CSMD1: variants seen among roughly 807,000 people sequenced by gnomAD.
CSMD1 encodes CUB and sushi domain-containing protein 1.
Under a neutral mutation model 417.5 loss-of-function variants are expected in CSMD1, and 213 were observed. That is an observed-to-expected ratio of 0.51 (90% confidence interval 0.46 to 0.57). CSMD1 has a LOEUF of 0.57. Among genes scored for constraint, CSMD1 ranks in the 20% least tolerant of loss-of-function variants. The pLI is 0.00. For missense variants in CSMD1, 6,923 were observed against 4,529.7 expected (o/e 1.53, Z -15.17); for synonymous variants, 2,862 against 1,736.8 (o/e 1.65, Z -16.11).
chr8:3,934,935 G>A (rs776400703), intron 5 of CSMD1, among the ~76,000 whole-genome samples: 12 of 152,066 alleles, frequency 7.9e-5, no homozygotes, highest in Non-Finnish European at 1.5e-4. Flanking sequence ...GGAGTAGAGG[G>A]CATATAAAAG....
rs142705258 is a variant in CSMD1 at position 4,513,143 on chromosome 8, T to C, written c.303-93078A>G. Among the ~76,000 whole-genome samples, 152 of 152,320 alleles carry C rather than the reference T, an allele frequency of 1.0e-3. 3 individuals are homozygous for C. The East Asian group carries it at 0.026, about 26-fold the overall frequency. On this transcript the variant is annotated intron_variant, in intron 2 of 69. Coordinates refer to ENST00000635120, the MANE Select transcript of CSMD1 (RefSeq NM_033225.6). ...CAAGAGTGCGCTCCAATGTAAACTA[T>C]GGGCTTTGGTTAATCGAAATATGTC...
chr8:3,026,490 C>A (rs1809938464), intron 51 of CSMD1, among the ~76,000 whole-genome samples: 1 of 151,712 alleles, frequency 6.6e-6, no homozygotes, highest in African/African-American at 2.4e-5. Context: ...CTGGGCTTGA[C>A]TGGGCCTCAC....
rs1816916284 is a variant in CSMD1 at position 3,468,619 on chromosome 8, G to C, written c.1561+93C>G. 3 of 699,976 alleles carry C rather than the reference G, an allele frequency of 4.3e-6. No individual in the cohort carries two copies. The South Asian group carries it at 5.6e-5, about 13-fold the overall frequency. The allele number at this position is 699,976 out of a possible 1,614,324, so 43.4% of individuals were successfully genotyped here. On this transcript the variant is annotated intron_variant, in intron 12 of 69. Coordinates refer to ENST00000635120, the MANE Select transcript of CSMD1 (RefSeq NM_033225.6). ...CCTATTTATCAGCATTGTTTGACTT[G>C]TTGATTTTACTTCTACCTAACCAAC...
intron 5 of CSMD1, among the ~76,000 whole-genome samples, chr8:3,869,023 C>T (rs531144704): frequency 6.6e-6 from 1 of 152,352 alleles, no homozygotes; most frequent in East Asian, 1.9e-4. Context: ...GTAACAGCTG[C>T]AAGCATATTT....
At chr8:4,416,220 C>G (rs1796929806) in intron 3 of CSMD1, among the ~76,000 whole-genome samples, 2 of 152,032 alleles carry the variant, frequency 1.3e-5, no homozygotes, top group South Asian at 2.1e-4. Flanking sequence ...TGCTTTCTAT[C>G]CAAAGAAAGG....
At chr8:4,719,135 A>G (rs925036330) in intron 1 of CSMD1, among the ~76,000 whole-genome samples, 2 of 152,208 alleles carry the variant, frequency 1.3e-5, no homozygotes, top group Non-Finnish European at 2.9e-5. Context: ...CAAGAAACTA[A>G]AGACAATGAT....
At chr8:4,085,212 G>C (rs563452123) in intron 3 of CSMD1, among the ~76,000 whole-genome samples, 34 of 152,222 alleles carry the variant, frequency 2.2e-4, no homozygotes, top group Non-Finnish European at 3.4e-4. Flanking sequence ...AGCCCAGCTA[G>C]ACATGAATCA....
At chr8:3,141,761 A>T (rs1469407844) in intron 41 of CSMD1, among the ~76,000 whole-genome samples, 1 of 150,880 alleles carries the variant, frequency 6.6e-6, no homozygotes, top group East Asian at 2.0e-4. Context: ...CTGACCAATG[A>T]GCACTACCGG....
intron 5 of CSMD1, among the ~76,000 whole-genome samples, chr8:3,803,723 A>C (rs945573050): frequency 3.3e-5 from 5 of 152,196 alleles, no homozygotes; most frequent in African/African-American, 1.2e-4. Context: ...ATTCAACTTC[A>C]GATTGGAAGC....
chr8:4,008,662 G>A (rs561727594), intron 4 of CSMD1, among the ~76,000 whole-genome samples: 3 of 133,014 alleles, frequency 2.3e-5, no homozygotes, highest in Non-Finnish European at 3.1e-5. Context: ...CCAGGCTGGA[G>A]TGCAGTGGTG....
intron 1 of CSMD1, among the ~76,000 whole-genome samples, chr8:4,969,175 T>C (rs1197168610): frequency 2.6e-5 from 4 of 152,114 alleles, no homozygotes; most frequent in Non-Finnish European, 5.9e-5. Context: ...GGATTGCGTG[T>C]GTGCGTGTGT....
chr8:4,068,372 G>A (rs183665438), intron 3 of CSMD1, among the ~76,000 whole-genome samples: 23 of 152,270 alleles, frequency 1.5e-4, no homozygotes, highest in Admixed American at 1.4e-3. Flanking sequence ...TTATTTGTCA[G>A]CCATGGGAGT....
At chr8:3,756,965 T>A (rs1309812828) in intron 5 of CSMD1, among the ~76,000 whole-genome samples, 1 of 152,146 alleles carries the variant, frequency 6.6e-6, no homozygotes, top group Non-Finnish European at 1.5e-5. Flanking sequence ...GATAGTTTTG[T>A]AATCTTTTAA....
intron 3 of CSMD1, among the ~76,000 whole-genome samples, chr8:4,159,443 T>C (rs890501169): frequency 3.3e-5 from 5 of 152,240 alleles, no homozygotes; most frequent in South Asian, 2.1e-4. Context: ...TGAATGTTTA[T>C]GGCAGCACAA....
At chr8:4,463,029 T>A (rs559471551) in intron 2 of CSMD1, among the ~76,000 whole-genome samples, 8 of 152,296 alleles carry the variant, frequency 5.3e-5, no homozygotes, top group Admixed American at 2.6e-4. Context: ...TAGGGAAAGT[T>A]TGCAAATTAT....
At chr8:3,288,880 G>T (rs1183466243) in intron 25 of CSMD1, among the ~76,000 whole-genome samples, 3 of 146,368 alleles carry the variant, frequency 2.0e-5, no homozygotes, top group Non-Finnish European at 4.4e-5. Context: ...CAACCTACAG[G>T]TTTGTTGCAT....
intron 31 of CSMD1, among the ~76,000 whole-genome samples, chr8:3,204,066 G>C (rs1797123304): frequency 6.6e-6 from 1 of 152,154 alleles, no homozygotes; most frequent in Non-Finnish European, 1.5e-5. Flanking sequence ...TAACGAATGG[G>C]GGAAGAAAGT....
intron 11 of CSMD1, among the ~76,000 whole-genome samples, chr8:3,471,392 A>G (rs1480296849): frequency 1.3e-5 from 2 of 152,158 alleles, no homozygotes; most frequent in Non-Finnish European, 2.9e-5. Context: ...AATATAGTCA[A>G]TTTTGGTTCC....
At chr8:3,373,092 G>C (rs1036075560) in intron 18 of CSMD1, among the ~76,000 whole-genome samples, 1 of 152,162 alleles carries the variant, frequency 6.6e-6, no homozygotes, top group Non-Finnish European at 1.5e-5. Flanking sequence ...AAAGCTACTT[G>C]TCAGTGGTCT....
Sources: allele counts gnomAD v4.1 joint callset (sites outside exome capture counted in the v4.1 genomes callset), GRCh38; gene constraint gnomAD v4.1.1; transcripts MANE v1.5; gene names NCBI Gene and HGNC (gene_info 2026-07-23, HGNC 2026-07-21).